The following ARHGAP39 variants were observed in gnomAD, a reference collection of about 807,000 sequenced individuals.
The protein encoded by ARHGAP39 is Rho GTPase activating protein 39, also known as rho GTPase-activating protein 39.
In ARHGAP39, 44 loss-of-function variants were observed where a neutral mutation model predicts 106.9. The ratio of observed to expected loss-of-function variants is 0.41; its 90% CI spans 0.32 to 0.53. The LOEUF is 0.53. Among genes scored for constraint, ARHGAP39 ranks in the 20% least tolerant of loss-of-function variants. ARHGAP39 has a pLI of 0.21. For missense variants in ARHGAP39, 1,496 were observed against 1,577.3 expected (o/e 0.95, Z 0.87); for synonymous variants, 768 against 693.2 (o/e 1.11, Z -1.69).
chr8:144,539,057 C>T (rs1817083297), intron 6 of ARHGAP39, among the ~76,000 whole-genome samples: 1 of 152,066 alleles, frequency 6.6e-6, no homozygotes, highest in South Asian at 2.1e-4. Context: ...CGCACCAGCC[C>T]TGGAATCACC....
chr8:144,588,799 T>C (rs1327458128), intron 2 of ARHGAP39, among the ~76,000 whole-genome samples: 2 of 152,248 alleles, frequency 1.3e-5, no homozygotes. Flanking sequence ...CTCTTGTGCG[T>C]GCTCACCGCG....
chr8:144,680,836 C>T (rs756300609), intron 1 of ARHGAP39, among the ~76,000 whole-genome samples: 2 of 152,166 alleles, frequency 1.3e-5, no homozygotes, highest in Admixed American at 6.5e-5. Context: ...AAGACTGGTA[C>T]GAGTTTCATA....
In ARHGAP39 at chr8:144,647,269, C is replaced by A. The variant is rs1053429977; in HGVS notation, c.-82+38417G>T. Among the ~76,000 whole-genome samples the A allele has an allele frequency of 6.6e-6, 1 of 152,106 alleles. No individual in the cohort carries two copies. The highest frequency in any genetic ancestry group is 1.5e-5 in the Non-Finnish European group (1 of 67,998). On this transcript the variant is annotated intron_variant, in intron 1 of 11. Coordinates refer to ENST00000377307, the MANE Select transcript of ARHGAP39 (RefSeq NM_025251.3). This position sits in a 1 kb window ranked among gnomAD's most constrained non-coding sequence, Gnocchi z 4.8. ...GCCGTGAGCCACTGCGCCCGGCCTG[C>A]TCTGACCCTTCTTAAAGCTCGAGCA... is the stretch of plus-strand genomic sequence containing the variant.
At chr8:144,550,645 A>G (rs983115487) in intron 4 of ARHGAP39, among the ~76,000 whole-genome samples, 1 of 152,224 alleles carries the variant, frequency 6.6e-6, no homozygotes, top group African/African-American at 2.4e-5. Flanking sequence ...CGGCCACACC[A>G]CCCAGGCGAG....
chr8:144,675,362 T>C (rs893755941), intron 1 of ARHGAP39, among the ~76,000 whole-genome samples: 2 of 152,186 alleles, frequency 1.3e-5, no homozygotes, highest in Admixed American at 6.5e-5. Flanking sequence ...GGGTTCTTGG[T>C]CTTGCTGACT....
chr8:144,630,237 T>C (rs1162092804), intron 1 of ARHGAP39, among the ~76,000 whole-genome samples: 1 of 152,172 alleles, frequency 6.6e-6, no homozygotes, highest in Non-Finnish European at 1.5e-5. Flanking sequence ...ACAACTCATG[T>C]GCTCGCCCAG....
intron 3 of ARHGAP39, among the ~76,000 whole-genome samples, chr8:144,569,138 G>T (rs780849720): frequency 2.4e-4 from 37 of 152,162 alleles, no homozygotes; most frequent in African/African-American, 8.2e-4. Context: ...ATGCTAACAT[G>T]AATCAAATTA....
chr8:144,576,273 C>A (rs1302862833), intron 3 of ARHGAP39, among the ~76,000 whole-genome samples: 1 of 135,428 alleles, frequency 7.4e-6, no homozygotes, highest in East Asian at 2.2e-4. Context: ...GCGGAGGTTG[C>A]AGTGAGCCGA....
chr8:144,598,140 G>A (rs1331962498), intron 2 of ARHGAP39, among the ~76,000 whole-genome samples: 3 of 152,214 alleles, frequency 2.0e-5, no homozygotes, highest in Non-Finnish European at 2.9e-5. Flanking sequence ...GCATGGCCTC[G>A]AAGGCTGGAC....
In ARHGAP39 at chr8:144,547,315, G is replaced by A; in HGVS notation, c.1771C>T (p.Leu591=). The A allele has an allele frequency of 1.9e-6, 3 of 1,610,230 alleles. No homozygotes were observed. Among genetic ancestry groups the A allele is most frequent in the Non-Finnish European group, 2.5e-6 (3 of 1,179,142 alleles). The stretch of plus-strand genomic sequence containing the variant: ...ACCGGCCCGGGCATGGGCAGTGGCA[G>A]GGCGCCGTCGCTCTCGTAGCCAGAG... ...DGSGYESDGA[L]PLPMPGPVVR... is the part of the protein sequence containing the mutation. The change falls in exon 5 of 12, where the codon CTG becomes TTG. Residue 591 remains leucine (L), a synonymous_variant. Coordinates refer to ENST00000377307, the MANE Select transcript of ARHGAP39 (RefSeq NM_025251.3). This position sits in a 1 kb window ranked among gnomAD's most constrained non-coding sequence, Gnocchi z 5.2.
chr8:144,533,922 G>T (rs949104276), intron 8 of ARHGAP39, among the ~76,000 whole-genome samples: 3 of 152,088 alleles, frequency 2.0e-5, no homozygotes, highest in Admixed American at 1.3e-4. Flanking sequence ...CTGGGGGTCC[G>T]GGCCCAGGAA....
At chr8:144,583,347 C>T (rs149367112) in intron 2 of ARHGAP39, among the ~76,000 whole-genome samples, 12 of 152,372 alleles carry the variant, frequency 7.9e-5, no homozygotes, top group African/African-American at 2.9e-4. Flanking sequence ...AGATTCACCG[C>T]GTGTCACCTC....
chr8:144,539,136 G>A (rs923006530), intron 6 of ARHGAP39, among the ~76,000 whole-genome samples: 2 of 152,092 alleles, frequency 1.3e-5, no homozygotes, highest in South Asian at 2.1e-4. Context: ...CTGGGTGTGC[G>A]ATGTGCTTAC....
intron 3 of ARHGAP39, among the ~76,000 whole-genome samples, chr8:144,561,388 CCCAGTGGTGTCCATCACACT>C (rs1213346978): frequency 1.2e-4 from 18 of 148,434 alleles, no homozygotes; most frequent in African/African-American, 4.3e-4. Context: ...TCGGACTCAC[CCCAGTGGTGTCCATCACACT>C]CCAGTGGTTT....
intron 2 of ARHGAP39, among the ~76,000 whole-genome samples, chr8:144,593,341 G>A (rs1297646898): frequency 6.6e-6 from 1 of 152,190 alleles, no homozygotes; most frequent in East Asian, 1.9e-4. Context: ...ATCGGGAAAG[G>A]AGAGTCTCTT....
At chr8:144,596,265 A>G (rs755683272) in intron 2 of ARHGAP39, among the ~76,000 whole-genome samples, 1 of 113,990 alleles carries the variant, frequency 8.8e-6, no homozygotes, top group Non-Finnish European at 1.8e-5. Flanking sequence ...GCAGAGGGGG[A>G]CGGCTGAGGC....
chr8:144,582,217 C>T (rs1481183588), intron 2 of ARHGAP39, among the ~76,000 whole-genome samples: 2 of 152,218 alleles, frequency 1.3e-5, no homozygotes, highest in African/African-American at 4.8e-5. Context: ...CCTGCGGCTC[C>T]CCCAGGTCAA....
chr8:144,570,523 C>G (rs1159193836), intron 3 of ARHGAP39, among the ~76,000 whole-genome samples: 1 of 152,152 alleles, frequency 6.6e-6, no homozygotes, highest in Non-Finnish European at 1.5e-5. Context: ...GGATTAGACG[C>G]AACGACAATA....
In ARHGAP39 at chr8:144,645,095, C is replaced by T. The variant is rs1316385190; in HGVS notation, c.-81-39400G>A. On this transcript the variant is annotated intron_variant, in intron 1 of 11. Coordinates refer to ENST00000377307, the MANE Select transcript of ARHGAP39 (RefSeq NM_025251.3). This position sits in a 1 kb window ranked among gnomAD's most constrained non-coding sequence, Gnocchi z 4.4. ...GCGAAGAAAACACTGGGCAGGTCCACAGTTAAACTGCAACTCTCTAACAAG... is the reference window on the plus strand; with the variant it reads ...GCGAAGAAAACACTGGGCAGGTCCATAGTTAAACTGCAACTCTCTAACAAG... Among the ~76,000 whole-genome samples the T allele has an allele frequency of 1.3e-5, 2 of 152,244 alleles. No homozygotes were observed. Among genetic ancestry groups the T allele is most frequent in the African/African-American group, 4.8e-5 (2 of 41,466 alleles).
Sources: allele counts gnomAD v4.1 joint callset (sites outside exome capture counted in the v4.1 genomes callset), GRCh38; gene constraint gnomAD v4.1.1; non-coding constraint Gnocchi (gnomAD v3.1); transcripts MANE v1.5; gene names NCBI Gene and HGNC (gene_info 2026-07-23, HGNC 2026-07-21).